HIVEP1: variants seen among roughly 807,000 people sequenced by gnomAD.
HIVEP1 encodes the protein zinc finger protein 40.
In HIVEP1, 36 loss-of-function variants were observed where a neutral mutation model predicts 180.0. The ratio of observed to expected loss-of-function variants is 0.20; its 90% CI spans 0.15 to 0.26. The LOEUF is 0.26. HIVEP1 is among the 10% of genes least tolerant of loss of function. The pLI is 1.00. For synonymous variants in HIVEP1, 1,239 were observed against 1,239.0 expected, an observed-to-expected ratio of 1.00 and a Z score of 0.00; for missense variants, 3,143 against 3,268.7, an observed-to-expected ratio of 0.96 and a Z score of 0.94.
In HIVEP1 at chr6:12,124,186, A is replaced by G. The variant is rs1561972503; in HGVS notation, c.4391A>G (p.Tyr1464Cys). The change falls in exon 4 of 9, where the codon TAT (tyrosine) becomes TGT (cysteine). Residue 1464 changes from tyrosine to cysteine, a missense_variant. This residue lies in a region of HIVEP1 where 1,357 missense variants were observed against 1,260.5 expected (regional missense o/e 1.08). Transcript: ENST00000379388. ...CTTCCCAGTGTGAATGCAGTGCCAT[A>G]TCAGGGGCCTCAGCTCACTAGTACA... Reference protein sequence around the residue: ...TALPSVNAVPYQGPQLTSTSL... With the variant: ...TALPSVNAVPCQGPQLTSTSL... 6.2e-7 allele frequency: 1 copy of G among 1,613,966 alleles called. No homozygotes were observed. The highest frequency in any genetic ancestry group is 1.1e-5 in the South Asian group (1 of 91,068).
At chr6:12,105,729 C>T (rs1248095583) in intron 3 of HIVEP1, among the ~76,000 whole-genome samples, 2 of 152,104 alleles carry the variant, frequency 1.3e-5, no homozygotes, top group African/African-American at 4.8e-5. Flanking sequence ...CAGACACACT[C>T]CTTAGTTTTT....
chr6:12,073,415 T>A (rs1469809602), intron 2 of HIVEP1, among the ~76,000 whole-genome samples: 1 of 152,132 alleles, frequency 6.6e-6, no homozygotes, highest in Admixed American at 6.6e-5. Context: ...CTCCTCTGAG[T>A]CTCCCTCTTT....
chr6:12,032,123 T>A (rs1768987038), intron 2 of HIVEP1, among the ~76,000 whole-genome samples: 1 of 151,982 alleles, frequency 6.6e-6, no homozygotes, highest in Admixed American at 6.5e-5. Flanking sequence ...GATGCAAATG[T>A]TAGTTCACTG....
At chr6:12,154,194 T>C (rs1268220844) in intron 7 of HIVEP1, among the ~76,000 whole-genome samples, 1 of 152,268 alleles carries the variant, frequency 6.6e-6, no homozygotes, top group African/African-American at 2.4e-5. Flanking sequence ...TTTCCTTCTC[T>C]TCTTCACCCA....
downstream of HIVEP1, among the ~76,000 whole-genome samples, chr6:12,168,353 G>GTA (rs1449453403): frequency 8.8e-5 from 6 of 68,152 alleles, no homozygotes; most frequent in African/African-American, 3.3e-4. Flanking sequence ...ACATGTATAT[G>GTA]TATATATTAT....
rs751955363 is a variant in HIVEP1 at position 12,120,608 on chromosome 6, G to C, written c.813G>C (p.Lys271Asn). 1 of 1,613,998 alleles carries C rather than the reference G, an allele frequency of 6.2e-7. No homozygotes were observed. The change falls in exon 4 of 9, where the codon AAG becomes AAC. Residue 271 changes from lysine (K) to asparagine (N), a missense_variant. By Grantham distance (94) the Lys-to-Asn change is moderately conservative (BLOSUM62 0). Around this residue, in one of 12 missense-constraint regions of HIVEP1, gnomAD observed 306 missense variants for 310.6 expected, o/e 0.99. Transcript: ENST00000379388. ...CAGTCCATATGTCTGCTGCTCAGAA[G>C]AATGAGCAAGGGGCAATGCAGTCAG... is the stretch of plus-strand genomic sequence containing the variant. ...SYTVHMSAAQKNEQGAMQSAS... is the reference protein window; with the variant it reads ...SYTVHMSAAQNNEQGAMQSAS...
At chr6:12,072,720 A>G (rs1772063588) in intron 2 of HIVEP1, among the ~76,000 whole-genome samples, 1 of 151,902 alleles carries the variant, frequency 6.6e-6, no homozygotes. Context: ...TCCTTTCCTA[A>G]CGGCAGTGCC....
At chr6:12,090,039 C>T (rs1357099023) in intron 3 of HIVEP1, among the ~76,000 whole-genome samples, 1 of 151,838 alleles carries the variant, frequency 6.6e-6, no homozygotes, top group African/African-American at 2.4e-5. Flanking sequence ...AAATTAAAAA[C>T]TTGAAAGGAA....
downstream of HIVEP1, among the ~76,000 whole-genome samples, chr6:12,165,384 A>G (rs1202909683): frequency 6.6e-6 from 1 of 152,162 alleles, no homozygotes; most frequent in Admixed American, 6.5e-5. Context: ...CCTCATTTCC[A>G]GGCTCCAACA....
chr6:12,116,915 A>G (rs530290102), intron 3 of HIVEP1, among the ~76,000 whole-genome samples: 3 of 152,362 alleles, frequency 2.0e-5, no homozygotes, highest in Admixed American at 2.0e-4. Context: ...GTTCAAACTT[A>G]ATATGAGACA....
intron 3 of HIVEP1, among the ~76,000 whole-genome samples, chr6:12,090,346 C>A (rs1458538474): frequency 1.3e-5 from 2 of 152,030 alleles, no homozygotes; most frequent in African/African-American, 2.4e-5. Flanking sequence ...AGCCGTTTTA[C>A]AAAAAATAGC....
At chr6:12,015,736 C>T (rs368342541) in intron 2 of HIVEP1, 68 bp downstream of exon 2, 52 of 1,414,386 alleles carry the variant, frequency 3.7e-5, no homozygotes, top group African/African-American at 2.7e-4. Context: ...TCTTTGGTGA[C>T]AGGAATGGCC....
intron 6 of HIVEP1, among the ~76,000 whole-genome samples, chr6:12,131,156 A>G (rs1399192430): frequency 6.6e-6 from 1 of 151,672 alleles, no homozygotes; most frequent in Non-Finnish European, 1.5e-5. Flanking sequence ...AATATATAAT[A>G]AATATAATAT....
At chr6:12,151,543 G>A (rs1425103104) in intron 7 of HIVEP1, among the ~76,000 whole-genome samples, 1 of 152,172 alleles carries the variant, frequency 6.6e-6, no homozygotes, top group African/African-American at 2.4e-5. Flanking sequence ...TCCTGGCTTT[G>A]ATGCATTCTA....
At chr6:12,086,273 A>C (rs1344074998) in intron 2 of HIVEP1, among the ~76,000 whole-genome samples, 9 of 152,160 alleles carry the variant, frequency 5.9e-5, no homozygotes, top group African/African-American at 2.2e-4. Flanking sequence ...TAATGTAAAA[A>C]TTGAATGAAT....
downstream of HIVEP1, among the ~76,000 whole-genome samples, chr6:12,166,141 A>G (rs546018772): frequency 2.0e-5 from 3 of 152,186 alleles, no homozygotes; most frequent in East Asian, 5.8e-4. Flanking sequence ...GTTGAAAATG[A>G]GGTCTGTTTT....
the HIVEP1 span, among the ~76,000 whole-genome samples, chr6:12,171,624 C>G: frequency 6.6e-6 from 1 of 151,988 alleles, no homozygotes; most frequent in South Asian, 2.1e-4. Context: ...AAGAAGTTGC[C>G]TTTCTGGTGG....
At chr6:12,179,897 G>C in the HIVEP1 span, among the ~76,000 whole-genome samples, 4 of 151,842 alleles carry the variant, frequency 2.6e-5, no homozygotes, top group Non-Finnish European at 5.9e-5. Context: ...AAATGATCCT[G>C]TTAATATAAA....
the HIVEP1 span, among the ~76,000 whole-genome samples, chr6:12,211,165 T>A: frequency 7.0e-6 from 1 of 143,426 alleles, no homozygotes; most frequent in Non-Finnish European, 1.5e-5. Flanking sequence ...TTTGGGAGGC[T>A]GAGGCGGGCG....
Sources: gnomAD v4.1 joint callset for allele counts (sites outside exome capture counted in the v4.1 genomes callset) on GRCh38, gnomAD v4.1.1 for gene constraint, gnomAD v4.1.1 regional missense constraint, MANE v1.5 for transcripts, NCBI Gene and HGNC (gene_info 2026-07-23, HGNC 2026-07-21) for gene names.